The following CPNE8 variants were observed in gnomAD, a reference collection of about 807,000 sequenced individuals.
CPNE8 encodes copine 8.
A neutral mutation model predicts 81.5 loss-of-function variants in CPNE8; 45 were observed. That is an observed-to-expected ratio of 0.55 (90% CI 0.44 to 0.71). The LOEUF (loss-of-function observed/expected upper bound fraction) is 0.71, where lower values mean the gene tolerates loss of function less well. Among genes scored for constraint, CPNE8 ranks in the 30% least tolerant of loss-of-function variants. The pLI, the probability that CPNE8 is intolerant of heterozygous loss-of-function variation, is 0.00. For missense variants in CPNE8, 594 were observed against 672.1 expected (o/e 0.88, Z 1.28); for synonymous variants, 252 against 226.3 (o/e 1.11, Z -1.02).
chr12:38,800,100 A>G (rs1395657621), intron 6 of CPNE8, among the ~76,000 whole-genome samples: 2 of 132,420 alleles, frequency 1.5e-5, no homozygotes, highest in Non-Finnish European at 3.4e-5. Flanking sequence ...GCCATTGCCC[A>G]GGCTTGCTTA....
At chr12:38,813,384 G>C (rs1482845336) in intron 6 of CPNE8, among the ~76,000 whole-genome samples, 2 of 151,912 alleles carry the variant, frequency 1.3e-5, no homozygotes, top group Non-Finnish European at 2.9e-5. Context: ...GAATGATAGA[G>C]GGGAAAAAAG....
intron 10 of CPNE8, among the ~76,000 whole-genome samples, chr12:38,751,343 TAA>T (rs755534419): frequency 1.3e-5 from 2 of 152,236 alleles, no homozygotes; most frequent in Non-Finnish European, 2.9e-5. Flanking sequence ...AAAAAATTGT[TAA>T]AGTCTCTGCC....
intron 10 of CPNE8, among the ~76,000 whole-genome samples, chr12:38,741,778 C>A (rs1349631544): frequency 6.6e-6 from 1 of 151,908 alleles, no homozygotes; most frequent in Non-Finnish European, 1.5e-5. Context: ...TCTCATCTGA[C>A]AAAGGGCTAA....
At chr12:38,800,873 G>A (rs1305026359) in intron 6 of CPNE8, among the ~76,000 whole-genome samples, 5 of 50,780 alleles carry the variant, frequency 9.8e-5, no homozygotes, top group Non-Finnish European at 1.9e-4. Flanking sequence ...GAAGCCTCAG[G>A]AGCCGATGCG....
rs193025266 is a variant in CPNE8, at chr12:38,851,134, C to A, written c.187-2472G>T. On this transcript the variant is annotated intron_variant, in intron 3 of 19. Coordinates refer to ENST00000331366, the MANE Select transcript of CPNE8 (RefSeq NM_153634.3). ...TTCAGAACTGTGAGAAAATAAATTT[C>A]TCTTCTTTTTAAATTACGTGGTCTC... 9.3e-3 allele frequency among the ~76,000 whole-genome samples: 1,417 copies of A among 152,276 alleles called. 19 individuals are homozygous for A. The highest frequency in any genetic ancestry group is 0.038 in the South Asian group (182 of 4,822).
intron 1 of CPNE8, among the ~76,000 whole-genome samples, chr12:38,883,778 G>T (rs559555194): frequency 6.6e-6 from 1 of 152,336 alleles, no homozygotes; most frequent in African/African-American, 2.4e-5. Flanking sequence ...TACTCCATCA[G>T]TTTAATCAAC....
intron 3 of CPNE8, among the ~76,000 whole-genome samples, chr12:38,852,800 G>A (rs1422038672): frequency 1.3e-5 from 2 of 151,648 alleles, no homozygotes; most frequent in African/African-American, 4.8e-5. Context: ...ACCAATTTTG[G>A]TATATGTATA....
At chr12:38,832,251 G>A (rs183000436) in intron 5 of CPNE8, among the ~76,000 whole-genome samples, 1 of 152,274 alleles carries the variant, frequency 6.6e-6, no homozygotes, top group Admixed American at 6.5e-5. Context: ...CCTACAAGAA[G>A]CACGGGAAAG....
At chr12:38,741,054 A>T (rs1211607974) in intron 10 of CPNE8, among the ~76,000 whole-genome samples, 1 of 152,162 alleles carries the variant, frequency 6.6e-6, no homozygotes, top group African/African-American at 2.4e-5. Flanking sequence ...ATGGAAGAAC[A>T]TTCCATGCTC....
intron 6 of CPNE8, among the ~76,000 whole-genome samples, chr12:38,776,563 G>T (rs1941943124): frequency 6.6e-6 from 1 of 151,678 alleles, no homozygotes; most frequent in Non-Finnish European, 1.5e-5. Context: ...GCTCCCCTCG[G>T]CCTCCCAAAG....
intron 11 of CPNE8, among the ~76,000 whole-genome samples, chr12:38,729,709 A>T (rs1206848294): frequency 6.6e-6 from 1 of 152,066 alleles, no homozygotes; most frequent in Non-Finnish European, 1.5e-5. Flanking sequence ...TACAGATGCC[A>T]TAGCTCAAGG....
chr12:38,798,159 G>C (rs538896265), intron 6 of CPNE8, among the ~76,000 whole-genome samples: 6 of 152,132 alleles, frequency 3.9e-5, no homozygotes, highest in East Asian at 3.9e-4. Context: ...CCCCAATCTA[G>C]CAAGGCAGGC....
At chr12:38,794,394 A>G (rs1222074840) in intron 6 of CPNE8, among the ~76,000 whole-genome samples, 3 of 152,200 alleles carry the variant, frequency 2.0e-5, no homozygotes, top group Non-Finnish European at 4.4e-5. Flanking sequence ...TCCAAAGATT[A>G]TATACAAATT....
At chr12:38,861,579 A>T (rs1389388945) in intron 3 of CPNE8, among the ~76,000 whole-genome samples, 1 of 152,174 alleles carries the variant, frequency 6.6e-6, no homozygotes, top group Non-Finnish European at 1.5e-5. Flanking sequence ...TCCACTAGCC[A>T]TTCATGCAGA....
rs56989350 is a variant in CPNE8 at position 38,798,076 on chromosome 12, G to A, written c.408-21775C>T. 0.019 allele frequency among the ~76,000 whole-genome samples: 2,833 copies of A among 152,282 alleles called. 228 individuals are homozygous for A. In the East Asian group the frequency reaches 0.28, roughly 15 times the overall value. On this transcript the variant is annotated intron_variant, in intron 6 of 19. Transcript: ENST00000331366. Reference sequence around the variant, plus strand: ...AAAAGACCAAATCTACGTCTCATTGGTGTACCTGAAAGTGACAGGGAGAAT... The same window carrying A: ...AAAAGACCAAATCTACGTCTCATTGATGTACCTGAAAGTGACAGGGAGAAT...
chr12:38,790,757 A>T (rs1028247338), intron 6 of CPNE8, among the ~76,000 whole-genome samples: 1 of 151,748 alleles, frequency 6.6e-6, no homozygotes, highest in Non-Finnish European at 1.5e-5. Context: ...AAAAAGATTT[A>T]AAAACAACAA....
At chr12:38,670,669 G>T in intron 19 of CPNE8, 60 bp downstream of exon 19, 1 of 1,178,250 alleles carries the variant, frequency 8.5e-7, no homozygotes, top group Non-Finnish European at 1.2e-6. Context: ...TTCTAATTTT[G>T]TTAAAGATCC....
At chr12:38,747,270 A>T (rs1941248071) in intron 10 of CPNE8, among the ~76,000 whole-genome samples, 1 of 152,162 alleles carries the variant, frequency 6.6e-6, no homozygotes, top group Admixed American at 6.5e-5. Flanking sequence ...TGTCTCTTTC[A>T]CACACAGGTG....
intron 14 of CPNE8, among the ~76,000 whole-genome samples, 186 bp from the exon 15 acceptor site, chr12:38,694,024 T>C (rs1939739708): frequency 1.3e-5 from 2 of 152,162 alleles, no homozygotes; most frequent in Non-Finnish European, 2.9e-5. Flanking sequence ...ATATTAGACA[T>C]ATAGAAAGTT....
Sources: gnomAD v4.1 joint callset for allele counts (sites outside exome capture counted in the v4.1 genomes callset) on GRCh38, gnomAD v4.1.1 for gene constraint, MANE v1.5 for transcripts, NCBI Gene and HGNC (gene_info 2026-07-23, HGNC 2026-07-21) for gene names.